Variants in NT5DC1 observed in about 807,000 individuals in gnomAD.
The protein encoded by NT5DC1 is 5'-nucleotidase domain-containing protein 1.
A neutral mutation model predicts 59.4 loss-of-function variants in NT5DC1; 42 were observed. The ratio of observed to expected loss-of-function variants is 0.71; its 90% CI spans 0.55 to 0.92. NT5DC1 has a LOEUF of 0.92. NT5DC1 is among the 40% of genes least tolerant of loss of function. The pLI is 0.00. For synonymous variants in NT5DC1, 172 were observed against 188.1 expected (o/e 0.91, Z 0.70); for missense variants, 501 against 537.1 (o/e 0.93, Z 0.66).
chr6:116,168,361 C>T (rs552767081), intron 6 of NT5DC1, among the ~76,000 whole-genome samples: 107 of 151,964 alleles, frequency 7.0e-4, no homozygotes, highest in African/African-American at 2.3e-3. Context: ...TCTTCAGTTG[C>T]GTCTAATCTG....
chr6:116,206,369 T>C (rs28663996), intron 6 of NT5DC1, among the ~76,000 whole-genome samples: 6,963 of 152,124 alleles, frequency 0.046, 178 homozygotes, highest in Non-Finnish European at 0.059. Flanking sequence ...GTGAGTGTTA[T>C]AACTGTGATC....
intron 6 of NT5DC1, chr6:116,121,581 G>A (rs767397888): frequency 1.2e-6 from 2 of 1,614,036 alleles, no homozygotes; most frequent in Non-Finnish European, 1.7e-6. Flanking sequence ...GGGACTCCTG[G>A]TGCACCCTTT....
Position 116,248,175 on chromosome 6 carries a change from C to T in NT5DC1, c.*4151C>T, listed in dbSNP as rs1487560857. ...TAGCTGTGATAGAGTAGAAGTTATG[C>T]TAGCTTGAAATCAGAAAACTCAACA... On this transcript the variant is annotated 3_prime_UTR_variant, in exon 12 of 12. Coordinates refer to ENST00000319550, the MANE Select transcript of NT5DC1 (RefSeq NM_152729.3). The T allele has an allele frequency of 6.6e-6, 1 of 152,154 alleles. No homozygotes were observed. Among genetic ancestry groups the T allele is most frequent in the Non-Finnish European group, 1.5e-5 (1 of 68,018 alleles). The allele number at this position is 152,154 out of a possible 1,614,324, so 9.4% of individuals were successfully genotyped here.
chr6:116,135,600 T>G (rs1294545607), intron 6 of NT5DC1, among the ~76,000 whole-genome samples: 2 of 151,696 alleles, frequency 1.3e-5, no homozygotes, highest in Non-Finnish European at 2.9e-5. Context: ...AAAAGCATTT[T>G]GCACGAGCTA....
rs571472928 is a variant in NT5DC1, at chr6:116,163,657, G to A, written c.529+45712G>A. On this transcript the variant is annotated intron_variant, in intron 6 of 11. Transcript: ENST00000319550. ...GATCTTTATTTCTTTACTTCTGCTA[G>A]TTTTGGGTTTGGTTCGTTCTTGTTT... Among the ~76,000 whole-genome samples the A allele has an allele frequency of 3.9e-5, 6 of 152,078 alleles. No individual in the cohort carries two copies. In the East Asian group the frequency reaches 1.2e-3, roughly 29 times the overall value.
intron 6 of NT5DC1, among the ~76,000 whole-genome samples, chr6:116,204,722 G>T (rs996879747): frequency 2.0e-5 from 3 of 151,928 alleles, no homozygotes; most frequent in African/African-American, 4.8e-5. Context: ...GTATTCATAT[G>T]CTGGATTGCA....
chr6:116,163,144 AT>A (rs1486799669), intron 6 of NT5DC1, among the ~76,000 whole-genome samples: 31 of 123,434 alleles, frequency 2.5e-4, no homozygotes, highest in African/African-American at 9.5e-4. Context: ...AAAAAAAAAT[AT>A]ATATATATAT....
chr6:116,238,965 C>T lies in NT5DC1; in HGVS notation c.1094C>T (p.Ala365Val), dbSNP rs767115718. Reference protein sequence around the residue: ...EKKGKYEGPKAKPLNTSSKKW... With the variant: ...EKKGKYEGPKVKPLNTSSKKW... Reference sequence around the variant, plus strand: ...GTTCTCTTGTTTCAGGGACCAAAAGCAAAACCTTTAAATACTTCATCTAAA... The same window carrying T: ...GTTCTCTTGTTTCAGGGACCAAAAGTAAAACCTTTAAATACTTCATCTAAA... Residue 365 changes from alanine to valine, a missense_variant, in exon 11 of 12, where the codon GCA becomes GTA. Transcript: ENST00000319550. 1.3e-6 allele frequency: 2 copies of T among 1,597,698 alleles called. No homozygotes were observed. The highest frequency in any genetic ancestry group is 4.5e-5 in the East Asian group (2 of 44,690).
chr6:116,109,280 C>A (rs577967166), intron 3 of NT5DC1, among the ~76,000 whole-genome samples: 1 of 152,310 alleles, frequency 6.6e-6, no homozygotes, highest in African/African-American at 2.4e-5. Flanking sequence ...TTCACACTTT[C>A]CCCCGACCTT....
intron 6 of NT5DC1, among the ~76,000 whole-genome samples, chr6:116,155,901 C>CA (rs1780180829): frequency 1.3e-5 from 2 of 151,324 alleles, no homozygotes; most frequent in East Asian, 3.9e-4. Context: ...AGTGTTTATA[C>CA]AAAAAAACAA....
chr6:116,174,953 C>A (rs1192117425), intron 6 of NT5DC1, among the ~76,000 whole-genome samples: 2 of 152,014 alleles, frequency 1.3e-5, no homozygotes, highest in Non-Finnish European at 2.9e-5. Flanking sequence ...ATTTTGTCTC[C>A]TTTTCTTAAG....
At chr6:116,227,387 G>A (rs113032633) in intron 8 of NT5DC1, among the ~76,000 whole-genome samples, 102 of 151,850 alleles carry the variant, frequency 6.7e-4, no homozygotes, top group Non-Finnish European at 1.1e-3. Context: ...TGGACATTTC[G>A]GTTGATTTCA....
At chr6:116,177,453 A>G (rs1445280257) in intron 6 of NT5DC1, among the ~76,000 whole-genome samples, 1 of 152,202 alleles carries the variant, frequency 6.6e-6, no homozygotes, top group Non-Finnish European at 1.5e-5. Flanking sequence ...CAAAATGGGT[A>G]AAAGTATATT....
intron 6 of NT5DC1, among the ~76,000 whole-genome samples, chr6:116,204,205 C>T (rs1401323005): frequency 6.6e-6 from 1 of 151,852 alleles, no homozygotes; most frequent in Non-Finnish European, 1.5e-5. Context: ...GTCAAGTGCT[C>T]TCAGAGTGTG....
At chr6:116,180,352 T>C (rs1379805367) in intron 6 of NT5DC1, among the ~76,000 whole-genome samples, 1 of 152,052 alleles carries the variant, frequency 6.6e-6, no homozygotes, top group Non-Finnish European at 1.5e-5. Context: ...TGCAGGACAG[T>C]TTCTCTTTAT....
At chr6:116,173,068 GTTC>G (rs543765074) in intron 6 of NT5DC1, among the ~76,000 whole-genome samples, 2 of 152,112 alleles carry the variant, frequency 1.3e-5, no homozygotes, top group Non-Finnish European at 2.9e-5. Flanking sequence ...TCATTTTTAT[GTTC>G]TTCTATAACT....
chr6:116,128,636 A>G (rs1282465845), intron 6 of NT5DC1, among the ~76,000 whole-genome samples: 1 of 152,204 alleles, frequency 6.6e-6, no homozygotes, highest in Non-Finnish European at 1.5e-5. Flanking sequence ...ACATTAAGAT[A>G]AATACTGGGT....
At chr6:116,143,581 A>T (rs1189232290) in intron 6 of NT5DC1, among the ~76,000 whole-genome samples, 1 of 152,112 alleles carries the variant, frequency 6.6e-6, no homozygotes, top group Non-Finnish European at 1.5e-5. Context: ...TTTTAATCCT[A>T]TGAAAATTTC....
intron 3 of NT5DC1, 109 bp from the exon 4 acceptor site, chr6:116,110,741 A>G (rs768653080): frequency 8.4e-6 from 7 of 837,210 alleles, no homozygotes; most frequent in Admixed American, 1.8e-5. Context: ...GAAAAAATAC[A>G]TATGTTTTTG....
Sources: gnomAD v4.1 joint callset for allele counts (sites outside exome capture counted in the v4.1 genomes callset) on GRCh38, gnomAD v4.1.1 for gene constraint, MANE v1.5 for transcripts, NCBI Gene and HGNC (gene_info 2026-07-23, HGNC 2026-07-21) for gene names.